TENM2: variants seen among roughly 807,000 people sequenced by gnomAD.
TENM2 encodes teneurin transmembrane protein 2.
Under a neutral mutation model 245.2 loss-of-function variants are expected in TENM2, and 52 were observed. The observed-to-expected ratio is 0.21, with a 90% CI of 0.17 to 0.27. The LOEUF (loss-of-function observed/expected upper bound fraction) is 0.27, where lower values mean the gene tolerates loss of function less well. Ranked by LOEUF, TENM2 falls within the 10% of genes least tolerant of loss-of-function variation. The probability of loss-of-function intolerance (pLI) is 1.00; values close to 1 mark genes in which losing one functional copy is unlikely to be tolerated. For missense variants in TENM2, 3,046 were observed against 3,666.8 expected, an observed-to-expected ratio of 0.83 and a Z score of 4.37; for synonymous variants, 1,363 against 1,438.9, an observed-to-expected ratio of 0.95 and a Z score of 1.19.
chr5:167,504,152 G>A (rs1026975617), intron 2 of TENM2, among the ~76,000 whole-genome samples: 14 of 150,140 alleles, frequency 9.3e-5, no homozygotes, highest in Admixed American at 3.3e-4. Context: ...ACTTGAGCTC[G>A]TCTAATGAAA....
chr5:168,132,286 G>A (rs965936118), intron 12 of TENM2, among the ~76,000 whole-genome samples: 2 of 152,192 alleles, frequency 1.3e-5, no homozygotes, highest in African/African-American at 4.8e-5. Context: ...TGTCCTAGAC[G>A]TTGAAGGGCT....
intron 23 of TENM2, among the ~76,000 whole-genome samples, chr5:168,219,457 G>C (rs1466994999): frequency 6.6e-6 from 1 of 152,118 alleles, no homozygotes; most frequent in African/African-American, 2.4e-5. Flanking sequence ...GAAGCAGATC[G>C]ATACAGATAA....
At chr5:167,109,608 C>G in the TENM2 span, among the ~76,000 whole-genome samples, 98 of 151,338 alleles carry the variant, frequency 6.5e-4, no homozygotes, top group East Asian at 0.017. Flanking sequence ...GCTATAAACC[C>G]TTTAATACAA....
At chr5:167,984,247 T>C (rs977676421) in intron 4 of TENM2, among the ~76,000 whole-genome samples, 1 of 152,174 alleles carries the variant, frequency 6.6e-6, no homozygotes, top group Non-Finnish European at 1.5e-5. Context: ...TGAATAATAA[T>C]CATGATGATG....
At chr5:167,803,725 T>A (rs1274390893) in intron 2 of TENM2, among the ~76,000 whole-genome samples, 1 of 152,152 alleles carries the variant, frequency 6.6e-6, no homozygotes, top group Non-Finnish European at 1.5e-5. Context: ...TTTATTAACT[T>A]TTTTATATAT....
intron 12 of TENM2, among the ~76,000 whole-genome samples, chr5:168,146,143 T>C (rs1316517293): frequency 6.6e-6 from 1 of 151,824 alleles, no homozygotes; most frequent in Non-Finnish European, 1.5e-5. Flanking sequence ...CAATTTGACT[T>C]CCTCTTTTCC....
chr5:167,297,514 C>T (rs1259959444), intron 1 of TENM2: 1 of 152,128 alleles, frequency 6.6e-6, no homozygotes, highest in Non-Finnish European at 1.5e-5. Flanking sequence ...GATCCAACGT[C>T]TTCAAAGTCA....
At chr5:167,062,062 G>A in the TENM2 span, among the ~76,000 whole-genome samples, 1 of 152,064 alleles carries the variant, frequency 6.6e-6, no homozygotes, top group Non-Finnish European at 1.5e-5. Flanking sequence ...ATGGCACTTA[G>A]TAATTTTAAT....
intron 2 of TENM2, among the ~76,000 whole-genome samples, chr5:167,565,172 A>G (rs993691627): frequency 3.4e-4 from 52 of 152,390 alleles, no homozygotes; most frequent in African/African-American, 1.2e-3. Context: ...GTGTCAAGTC[A>G]GTAGGACAAG....
intron 1 of TENM2, among the ~76,000 whole-genome samples, chr5:167,337,113 G>A (rs1757815483): frequency 9.3e-6 from 1 of 107,882 alleles, no homozygotes; most frequent in Admixed American, 1.2e-4. Flanking sequence ...GACAGAGGGA[G>A]ACTCCGTCTC....
At position 167,419,760 on chromosome 5, in the gene TENM2, A is replaced by C. The variant is rs926501944; in HGVS notation, c.502+44287A>C. 2.6e-5 allele frequency among the ~76,000 whole-genome samples: 4 copies of C among 152,214 alleles called. 1 individual carries two copies. The highest frequency in any genetic ancestry group is 4.8e-5 in the African/African-American group (2 of 41,454). On this transcript the variant is annotated intron_variant, in intron 2 of 28. Transcript: ENST00000518659. ...TGAGTTATGCAACTTCTCTTCAGTA[A>C]ACCAAGAATAAATATACTTATGATA...
intron 25 of TENM2, among the ~76,000 whole-genome samples, chr5:168,228,403 C>T (rs1054833794): frequency 6.6e-6 from 1 of 152,150 alleles, no homozygotes; most frequent in Admixed American, 6.5e-5. Context: ...CTGAAAAAGG[C>T]GGCCATTTCC....
chr5:167,403,314 G>A (rs1168261968), intron 2 of TENM2, among the ~76,000 whole-genome samples: 4 of 95,886 alleles, frequency 4.2e-5, no homozygotes, highest in African/African-American at 2.0e-4. Context: ...TTGATTTTTG[G>A]TAGTAAAAAA....
intron 2 of TENM2, among the ~76,000 whole-genome samples, chr5:167,519,226 G>T (rs1770598344): frequency 6.6e-6 from 1 of 151,992 alleles, no homozygotes; most frequent in Non-Finnish European, 1.5e-5. Flanking sequence ...TCTTATCCAG[G>T]TTAGAACTTT....
At chr5:168,078,129 A>G (rs188058048) in intron 7 of TENM2, among the ~76,000 whole-genome samples, 49 of 152,240 alleles carry the variant, frequency 3.2e-4, no homozygotes, top group African/African-American at 1.1e-3. Context: ...TCTAACTGGT[A>G]TGAGATGGTA....
chr5:167,707,825 G>A (rs1432115293), intron 2 of TENM2, among the ~76,000 whole-genome samples: 3 of 152,142 alleles, frequency 2.0e-5, no homozygotes, highest in Non-Finnish European at 2.9e-5. Flanking sequence ...TGGATTCTAA[G>A]CTGCCTCAGC....
the TENM2 span, among the ~76,000 whole-genome samples, chr5:166,981,867 T>G: frequency 1.3e-5 from 2 of 152,132 alleles, no homozygotes; most frequent in Non-Finnish European, 2.9e-5. Context: ...ATATCTACAT[T>G]TTGGGTGTGA....
At chr5:167,906,744 C>G (rs1426280123) in intron 3 of TENM2, among the ~76,000 whole-genome samples, 1 of 151,876 alleles carries the variant, frequency 6.6e-6, no homozygotes, top group Non-Finnish European at 1.5e-5. Flanking sequence ...GAATGGTGCC[C>G]CCTGTTGTTT....
the TENM2 span, among the ~76,000 whole-genome samples, chr5:167,225,590 G>T: frequency 4.6e-5 from 7 of 151,766 alleles, no homozygotes; most frequent in South Asian, 1.2e-3. Context: ...GAATTGTTTG[G>T]TTCTATGTTC....
Sources: gnomAD v4.1 joint callset for allele counts (sites outside exome capture counted in the v4.1 genomes callset) on GRCh38, gnomAD v4.1.1 for gene constraint, MANE v1.5 for transcripts, NCBI Gene and HGNC (gene_info 2026-07-23, HGNC 2026-07-21) for gene names.